DTWD2: variants seen among roughly 807,000 people sequenced by gnomAD.
DTWD2 encodes the protein tRNA-uridine aminocarboxypropyltransferase 2.
DTWD2 carries 39 observed loss-of-function variants against 31.8 expected under a neutral mutation model. That is an observed-to-expected ratio of 1.22 (90% confidence interval 0.95 to 1.60). DTWD2 has a LOEUF of 1.60. DTWD2 is among the 40% of genes most tolerant of loss of function. The probability of loss-of-function intolerance (pLI) is 0.00; values close to 1 mark genes in which losing one functional copy is unlikely to be tolerated. For missense variants in DTWD2, 515 were observed against 381.5 expected (o/e 1.35, Z -2.92); for synonymous variants, 180 against 142.8 (o/e 1.26, Z -1.86).
Position 118,839,032 on chromosome 5 carries a change from G to C in DTWD2, c.*1885C>G, listed in dbSNP as rs1432486561. On this transcript the variant is annotated 3_prime_UTR_variant, in exon 6 of 6. Coordinates refer to ENST00000510708, the MANE Select transcript of DTWD2 (RefSeq NM_173666.4). ...AAAAAATTAGCCGGGCGTGGTGGTG[G>C]GCACCTGTAGTCCCAGCTACTCAGG... The C allele has an allele frequency of 1.3e-5, 2 of 152,094 alleles. No individual in the cohort carries two copies. The highest frequency in any genetic ancestry group is 2.4e-5 in the African/African-American group (1 of 41,498). 9.4% of individuals were successfully genotyped at this position (152,094 alleles called of 1,614,324 possible). A position where few individuals can be genotyped will look rare whatever the true frequency, so the allele number is the denominator to read the frequency against.
intron 4 of DTWD2, among the ~76,000 whole-genome samples, chr5:118,858,407 T>G (rs1393266257): frequency 6.6e-6 from 1 of 152,216 alleles, no homozygotes; most frequent in African/African-American, 2.4e-5. Flanking sequence ...ACACAAGAAC[T>G]GTTTGAGCTG....
intron 4 of DTWD2, among the ~76,000 whole-genome samples, chr5:118,899,799 C>CTTTTTTT (rs1163738328): frequency 1.5e-4 from 19 of 124,930 alleles, no homozygotes; most frequent in East Asian, 2.2e-4. Context: ...TTCGTTTTTT[C>CTTTTTTT]TTTTTTTTTT....
At position 118,929,138 on chromosome 5, in the gene DTWD2, C is replaced by T. The variant is rs1483055670; in HGVS notation, c.405-409G>A. Among the ~76,000 whole-genome samples, 4 of 152,312 alleles carry T rather than the reference C, an allele frequency of 2.6e-5. No homozygotes were observed. The South Asian group carries it at 8.3e-4, about 32-fold the overall frequency. On this transcript the variant is annotated intron_variant, in intron 3 of 5. Transcript: ENST00000510708. ...AATCCTAACAATCCCAAGGCAAAAT[C>T]GAGTAGCAATGGAAGAACCATAAAG...
intron 4 of DTWD2, among the ~76,000 whole-genome samples, chr5:118,848,537 G>C (rs76867346): frequency 0.024 from 3,696 of 152,160 alleles, 59 homozygotes; most frequent in Non-Finnish European, 0.026. Context: ...TGTTCAACAT[G>C]ATCTAATGTA....
At chr5:118,871,218 T>C (rs1183738560) in intron 4 of DTWD2, among the ~76,000 whole-genome samples, 1 of 152,216 alleles carries the variant, frequency 6.6e-6, no homozygotes, top group Non-Finnish European at 1.5e-5. Flanking sequence ...TTAGTTCTCT[T>C]GTTATTTTCA....
intron 1 of DTWD2, among the ~76,000 whole-genome samples, chr5:118,947,084 CA>C (rs1440368606): frequency 6.6e-6 from 1 of 152,110 alleles, no homozygotes; most frequent in African/African-American, 2.4e-5. Flanking sequence ...ACTCAGCCCA[CA>C]GCTCTCAACG....
intron 4 of DTWD2, among the ~76,000 whole-genome samples, chr5:118,924,294 G>A (rs893105302): frequency 2.0e-5 from 3 of 152,182 alleles, no homozygotes; most frequent in African/African-American, 7.2e-5. Flanking sequence ...CCATTCATAA[G>A]AGAAAATCAG....
intron 4 of DTWD2, among the ~76,000 whole-genome samples, chr5:118,874,938 A>C (rs1333486307): frequency 6.6e-6 from 1 of 151,976 alleles, no homozygotes; most frequent in African/African-American, 2.4e-5. Flanking sequence ...AAAATTAAAG[A>C]AAAAAAATGT....
At chr5:118,907,800 G>A (rs1210012825) in intron 4 of DTWD2, among the ~76,000 whole-genome samples, 4 of 151,948 alleles carry the variant, frequency 2.6e-5, no homozygotes, top group Admixed American at 2.6e-4. Flanking sequence ...CAGTCTGCTG[G>A]AGAATTCTTC....
intron 1 of DTWD2, among the ~76,000 whole-genome samples, chr5:118,952,497 T>C (rs892362492): frequency 1.2e-4 from 18 of 151,972 alleles, no homozygotes; most frequent in Admixed American, 2.6e-4. Context: ...AGGTGCTCAG[T>C]GGGGGAGCGT....
At chr5:118,957,758 T>C (rs1754619643) in intron 1 of DTWD2, among the ~76,000 whole-genome samples, 1 of 152,178 alleles carries the variant, frequency 6.6e-6, no homozygotes, top group Non-Finnish European at 1.5e-5. Context: ...TCAAGTTTAT[T>C]TGAATTGTGG....
At chr5:118,874,127 C>A (rs770108269) in intron 4 of DTWD2, among the ~76,000 whole-genome samples, 1 of 152,102 alleles carries the variant, frequency 6.6e-6, no homozygotes, top group Non-Finnish European at 1.5e-5. Flanking sequence ...CAAAACCAGT[C>A]GACTGAATCC....
chr5:118,871,966 T>C lies in DTWD2; in HGVS notation c.598-23748A>G, dbSNP rs1752515517. Reference sequence around the variant, plus strand: ...AGACACCTGCATCAATAATATTAGCTAGATATTCTGGATAGCTTGATGCAA... The same window carrying C: ...AGACACCTGCATCAATAATATTAGCCAGATATTCTGGATAGCTTGATGCAA... On this transcript the variant is annotated intron_variant, in intron 4 of 5. Coordinates refer to ENST00000510708, the MANE Select transcript of DTWD2 (RefSeq NM_173666.4). Among the ~76,000 whole-genome samples the C allele has an allele frequency of 3.9e-5, 6 of 152,334 alleles. 1 individual carries two copies. In the South Asian group the frequency reaches 1.2e-3, roughly 32 times the overall value.
intron 4 of DTWD2, among the ~76,000 whole-genome samples, chr5:118,907,877 C>G (rs1320739684): frequency 6.6e-6 from 1 of 152,106 alleles, no homozygotes; most frequent in African/African-American, 2.4e-5. Context: ...TAAAGCCCAC[C>G]CATATTATGG....
At chr5:118,906,793 T>C (rs1340547015) in intron 4 of DTWD2, among the ~76,000 whole-genome samples, 1 of 152,166 alleles carries the variant, frequency 6.6e-6, no homozygotes, top group African/African-American at 2.4e-5. Flanking sequence ...CAAGTGTGCA[T>C]GTATGTCAAA....
At chr5:118,868,420 A>G (rs776462363) in intron 4 of DTWD2, among the ~76,000 whole-genome samples, 4 of 152,172 alleles carry the variant, frequency 2.6e-5, no homozygotes, top group Admixed American at 6.5e-5. Context: ...TAAATTATAC[A>G]ACCTCAAATT....
chr5:118,848,363 C>T, intron 4 of DTWD2, 145 bp from the exon 5 acceptor site: 3 of 666,208 alleles, frequency 4.5e-6, no homozygotes, highest in Admixed American at 3.6e-5. Flanking sequence ...TGTATAACAT[C>T]CTTTTGTTGC....
chr5:118,913,577 CAA>C (rs1753508730), intron 4 of DTWD2, among the ~76,000 whole-genome samples: 1 of 151,598 alleles, frequency 6.6e-6, no homozygotes, highest in South Asian at 2.1e-4. Flanking sequence ...GTCACAAGAA[CAA>C]AGATTCTTAA....
intron 4 of DTWD2, among the ~76,000 whole-genome samples, chr5:118,926,196 T>C (rs1049598539): frequency 5.9e-5 from 9 of 152,262 alleles, no homozygotes; most frequent in African/African-American, 1.7e-4. Context: ...AGTATATATA[T>C]ACCACGGAAT....
Sources: gnomAD v4.1 joint callset for allele counts (sites outside exome capture counted in the v4.1 genomes callset) on GRCh38, gnomAD v4.1.1 for gene constraint, MANE v1.5 for transcripts, NCBI Gene and HGNC (gene_info 2026-07-23, HGNC 2026-07-21) for gene names.